RORB: variants seen among roughly 807,000 people sequenced by gnomAD.
RORB encodes RAR related orphan receptor B.
Under a neutral mutation model 59.1 loss-of-function variants are expected in RORB, and 6 were observed. The ratio of observed to expected loss-of-function variants is 0.10; its 90% CI spans 0.06 to 0.20. RORB has a LOEUF of 0.20. RORB is among the 10% of genes least tolerant of loss of function. RORB has a pLI of 1.00. For synonymous variants in RORB, 215 were observed against 204.5 expected, an observed-to-expected ratio of 1.05 and a Z score of -0.44; for missense variants, 320 against 560.5, an observed-to-expected ratio of 0.57 and a Z score of 4.33.
At chr9:74,647,004 A>C (rs2118475063) in intron 4 of RORB, among the ~76,000 whole-genome samples, 1 of 152,320 alleles carries the variant, frequency 6.6e-6, no homozygotes, top group Admixed American at 6.5e-5. Flanking sequence ...CAAACAGAAA[A>C]CCATGAAACA....
At chr9:74,682,811 C>G (rs1032703240) in intron 9 of RORB, among the ~76,000 whole-genome samples, 1 of 152,202 alleles carries the variant, frequency 6.6e-6, no homozygotes. Flanking sequence ...AGGCTGGTCT[C>G]AAACTCCTGG....
At chr9:74,564,814 A>G (rs1822445772) in intron 1 of RORB, among the ~76,000 whole-genome samples, 1 of 152,240 alleles carries the variant, frequency 6.6e-6, no homozygotes, top group South Asian at 2.1e-4. Context: ...TTGAGATTTA[A>G]TGGGATCTCA....
chr9:74,528,792 C>T (rs1423388263), intron 1 of RORB, among the ~76,000 whole-genome samples: 1 of 151,972 alleles, frequency 6.6e-6, no homozygotes, highest in African/African-American at 2.4e-5. Context: ...GACTGACCAA[C>T]ATTTGTTGTG....
intron 1 of RORB, among the ~76,000 whole-genome samples, chr9:74,604,251 G>A (rs980337627): frequency 1.3e-5 from 2 of 152,174 alleles, no homozygotes; most frequent in African/African-American, 2.4e-5. Context: ...TAACGAGCCT[G>A]CCTTTTTCAT....
At chr9:74,564,410 A>G (rs1016824267) in intron 1 of RORB, among the ~76,000 whole-genome samples, 1 of 152,232 alleles carries the variant, frequency 6.6e-6, no homozygotes, top group Admixed American at 6.5e-5. Context: ...ATTGTTTTCC[A>G]AGAAAACCAT....
At chr9:74,577,859 T>A (rs1377568952) in intron 1 of RORB, among the ~76,000 whole-genome samples, 2 of 152,158 alleles carry the variant, frequency 1.3e-5, no homozygotes, top group Non-Finnish European at 2.9e-5. Context: ...TAATTGCTTT[T>A]GTTCAATTTG....
At chr9:74,639,609 C>T (rs1308747095) in intron 3 of RORB, among the ~76,000 whole-genome samples, 1 of 151,896 alleles carries the variant, frequency 6.6e-6, no homozygotes, top group African/African-American at 2.4e-5. Flanking sequence ...AAATGCAAAA[C>T]TATTCTACTA....
intron 1 of RORB, among the ~76,000 whole-genome samples, chr9:74,559,373 A>T (rs1822360985): frequency 6.6e-6 from 1 of 152,060 alleles, no homozygotes; most frequent in African/African-American, 2.4e-5. Flanking sequence ...GACACGTTTG[A>T]CCTAGCTGCT....
intron 4 of RORB, among the ~76,000 whole-genome samples, chr9:74,657,240 T>A (rs967329237): frequency 6.6e-6 from 1 of 151,354 alleles, no homozygotes; most frequent in African/African-American, 2.4e-5. Context: ...TTATTTATTG[T>A]ATTTTTAGTA....
At chr9:74,604,355 T>C (rs1298900766) in intron 1 of RORB, among the ~76,000 whole-genome samples, 1 of 152,194 alleles carries the variant, frequency 6.6e-6, no homozygotes, top group East Asian at 1.9e-4. Context: ...AAGGCAGCTG[T>C]GCATTCAACA....
chr9:74,547,757 AC>A (rs1355815039), intron 1 of RORB, among the ~76,000 whole-genome samples: 2 of 152,202 alleles, frequency 1.3e-5, no homozygotes, highest in African/African-American at 4.8e-5. Flanking sequence ...GACTCCTATG[AC>A]CCATGATTAC....
At chr9:74,572,076 G>A (rs546131693) in intron 1 of RORB, among the ~76,000 whole-genome samples, 3 of 152,156 alleles carry the variant, frequency 2.0e-5, no homozygotes, top group East Asian at 1.9e-4. Flanking sequence ...ATTAATTTGC[G>A]ACTCTTGCTA....
chr9:74,608,676 T>C (rs953687472), intron 1 of RORB, among the ~76,000 whole-genome samples: 3 of 91,662 alleles, frequency 3.3e-5, no homozygotes, highest in Non-Finnish European at 7.3e-5. Flanking sequence ...GGGAAAATAC[T>C]TAAAACTGTG....
intron 1 of RORB, among the ~76,000 whole-genome samples, chr9:74,549,609 A>AAGG (rs1563934627): frequency 6.0e-4 from 20 of 33,300 alleles, no homozygotes; most frequent in East Asian, 8.7e-4. Context: ...AGGAAGGAAG[A>AAGG]AAGGAAGGAA....
intron 1 of RORB, among the ~76,000 whole-genome samples, chr9:74,577,600 T>C (rs530330609): frequency 5.1e-4 from 77 of 152,164 alleles, no homozygotes; most frequent in African/African-American, 1.7e-3. Flanking sequence ...AAACACTTCC[T>C]GAGAGAAAGT....
intron 1 of RORB, among the ~76,000 whole-genome samples, chr9:74,525,757 A>G (rs1287901797): frequency 6.6e-6 from 1 of 151,898 alleles, no homozygotes; most frequent in Non-Finnish European, 1.5e-5. Flanking sequence ...TTCCATCCCC[A>G]TTCTAACAGA....
chr9:74,500,195 G>A (rs7846903), intron 1 of RORB, among the ~76,000 whole-genome samples: 45,280 of 151,986 alleles, frequency 0.3, 7,096 homozygotes, highest in Admixed American at 0.39. Context: ...CGGCCTTAGG[G>A]GAATGCGCTG....
At chr9:74,547,996 G>A (rs1369158488) in intron 1 of RORB, among the ~76,000 whole-genome samples, 6 of 152,196 alleles carry the variant, frequency 3.9e-5, no homozygotes, top group African/African-American at 1.4e-4. Context: ...ATGTAGCTCT[G>A]AAAATGGTTT....
intron 3 of RORB, among the ~76,000 whole-genome samples, chr9:74,636,219 G>A (rs1321846650): frequency 6.6e-6 from 1 of 152,176 alleles, no homozygotes; most frequent in African/African-American, 2.4e-5. Context: ...ATGGGAATCT[G>A]AGTTGATGAC....
Sources: gnomAD v4.1 joint callset for allele counts (sites outside exome capture counted in the v4.1 genomes callset) on GRCh38, gnomAD v4.1.1 for gene constraint, MANE v1.5 for transcripts, NCBI Gene and HGNC (gene_info 2026-07-23, HGNC 2026-07-21) for gene names.